BMPR1B: variants seen among roughly 807,000 people sequenced by gnomAD.
The protein encoded by BMPR1B is bone morphogenetic protein receptor type-1B.
In BMPR1B, 12 loss-of-function variants were observed where a neutral mutation model predicts 59.1. The observed-to-expected ratio is 0.20, with a 90% CI of 0.13 to 0.33. BMPR1B has a LOEUF of 0.33. Among genes scored for constraint, BMPR1B ranks in the 10% least tolerant of loss-of-function variants. The pLI, the probability that BMPR1B is intolerant of heterozygous loss-of-function variation, is 1.00. For synonymous variants in BMPR1B, 237 were observed against 207.3 expected (o/e 1.14, Z -1.23); for missense variants, 550 against 610.9 (o/e 0.90, Z 1.05).
intron 1 of BMPR1B, among the ~76,000 whole-genome samples, chr4:94,759,242 A>C (rs1721662618): frequency 6.6e-6 from 1 of 152,258 alleles, no homozygotes; most frequent in African/African-American, 2.4e-5. Context: ...GAGCGGCCAC[A>C]AAGGTGCCAG....
intron 1 of BMPR1B, among the ~76,000 whole-genome samples, chr4:94,846,116 A>G (rs10015222): frequency 0.61 from 93,296 of 152,040 alleles, 29,642 homozygotes; most frequent in African/African-American, 0.78. Context: ...AAACAGATAC[A>G]TGTTACCAGT....
intron 3 of BMPR1B, among the ~76,000 whole-genome samples, chr4:95,080,344 T>TA (rs887933630): frequency 1.3e-4 from 20 of 152,222 alleles, no homozygotes; most frequent in Admixed American, 9.8e-4. Context: ...TCAAGTGATT[T>TA]ACCTCCCTCA....
chr4:94,952,112 A>C (rs1250949242), intron 2 of BMPR1B, among the ~76,000 whole-genome samples: 1 of 152,014 alleles, frequency 6.6e-6, no homozygotes, highest in Non-Finnish European at 1.5e-5. Context: ...TCTCCCCTTT[A>C]TCATTTTTTA....
chr4:94,887,474 A>G (rs1033468042), intron 2 of BMPR1B, among the ~76,000 whole-genome samples: 3 of 151,106 alleles, frequency 2.0e-5, no homozygotes, highest in Non-Finnish European at 4.4e-5. Flanking sequence ...AAATATACTC[A>G]AACATTTAGG....
intron 1 of BMPR1B, among the ~76,000 whole-genome samples, chr4:94,866,147 G>A (rs952117734): frequency 3.3e-5 from 5 of 152,130 alleles, no homozygotes; most frequent in African/African-American, 9.7e-5. Context: ...TATCCCATAT[G>A]TTATCTTTCT....
chr4:94,900,896 A>G (rs1472858788), intron 2 of BMPR1B, among the ~76,000 whole-genome samples: 1 of 152,020 alleles, frequency 6.6e-6, no homozygotes, highest in Non-Finnish European at 1.5e-5. Context: ...ACCTGAAAAC[A>G]AAAAGCACCA....
chr4:95,091,408 T>A (rs1464001921), intron 3 of BMPR1B: 1 of 945,754 alleles, frequency 1.1e-6, no homozygotes, highest in African/African-American at 1.8e-5. Context: ...TGCCAGCTTA[T>A]AATCAAAGGG....
intron 1 of BMPR1B, among the ~76,000 whole-genome samples, chr4:94,762,641 C>T (rs1721823086): frequency 6.6e-6 from 1 of 152,166 alleles, no homozygotes. Flanking sequence ...TTCTGTTGAA[C>T]ACCCTGGAGG....
intron 1 of BMPR1B, among the ~76,000 whole-genome samples, chr4:94,835,711 G>A (rs544618442): frequency 9.3e-4 from 142 of 152,148 alleles, no homozygotes; most frequent in African/African-American, 3.1e-3. Context: ...ACACTAATTT[G>A]TATTCAAATG....
At chr4:94,986,038 T>C (rs555196416) in intron 2 of BMPR1B, among the ~76,000 whole-genome samples, 21 of 152,308 alleles carry the variant, frequency 1.4e-4, no homozygotes, top group African/African-American at 5.1e-4. Context: ...TAAGTATCAA[T>C]TATAAGGGGG....
chr4:95,051,744 G>C (rs1284620854), intron 3 of BMPR1B: 1 of 1,535,560 alleles, frequency 6.5e-7, no homozygotes. Context: ...ACATTTTCTT[G>C]CTCATTCTTC....
chr4:95,145,924 T>C (rs1438515928), intron 10 of BMPR1B, among the ~76,000 whole-genome samples: 1 of 152,206 alleles, frequency 6.6e-6, no homozygotes, highest in Admixed American at 6.5e-5. Context: ...AGTCCAGAGA[T>C]TTTTACATTT....
intron 3 of BMPR1B, among the ~76,000 whole-genome samples, chr4:95,079,745 TG>T (rs966590659): frequency 2.8e-5 from 4 of 141,554 alleles, no homozygotes; most frequent in African/African-American, 1.0e-4. Flanking sequence ...AGGTGTGAAA[TG>T]AAAAAAAAAA....
At chr4:95,051,210 CTAAG>C (rs1726475501) in intron 3 of BMPR1B, among the ~76,000 whole-genome samples, 1 of 152,176 alleles carries the variant, frequency 6.6e-6, no homozygotes, top group South Asian at 2.1e-4. Flanking sequence ...TGGCATTTCA[CTAAG>C]TAAAAACATT....
At chr4:94,927,820 GT>G (rs1728947184) in intron 2 of BMPR1B, among the ~76,000 whole-genome samples, 1 of 152,098 alleles carries the variant, frequency 6.6e-6, no homozygotes, top group South Asian at 2.1e-4. Context: ...CATTCAGAAA[GT>G]TGCACAGATA....
At chr4:95,035,000 G>A (rs1725135619) in intron 3 of BMPR1B, among the ~76,000 whole-genome samples, 2 of 152,128 alleles carry the variant, frequency 1.3e-5, no homozygotes, top group South Asian at 2.1e-4. Context: ...GTATCTCATT[G>A]TGGTTTTAAT....
At position 95,127,391 on chromosome 4, in the gene BMPR1B, G is replaced by A. The variant is rs181550763; in HGVS notation, c.585+2270G>A. 2.1e-3 allele frequency among the ~76,000 whole-genome samples: 313 copies of A among 151,926 alleles called. 1 individual carries two copies. Among genetic ancestry groups the A allele is most frequent in the African/African-American group, 7.1e-3 (294 of 41,450 alleles). On this transcript the variant is annotated intron_variant, in intron 8 of 12. Coordinates refer to ENST00000515059, the MANE Select transcript of BMPR1B (RefSeq NM_001203.3). ...ATAATAGCTTACTTTCTGTCTTTGG[G>A]ATAAGTTGTTCCTATTCTATCAAGT...
intron 2 of BMPR1B, among the ~76,000 whole-genome samples, chr4:94,974,569 C>A (rs1446079157): frequency 6.6e-6 from 1 of 152,098 alleles, no homozygotes; most frequent in Non-Finnish European, 1.5e-5. Context: ...GTATTTCTTA[C>A]CTTTTCCTTT....
intron 2 of BMPR1B, among the ~76,000 whole-genome samples, chr4:94,965,695 T>G (rs1038262526): frequency 1.3e-5 from 2 of 152,206 alleles, no homozygotes; most frequent in African/African-American, 4.8e-5. Flanking sequence ...GGCAGTACAC[T>G]GAAGAAGTGT....
Sources: allele counts gnomAD v4.1 joint callset (sites outside exome capture counted in the v4.1 genomes callset), GRCh38; gene constraint gnomAD v4.1.1; transcripts MANE v1.5; gene names NCBI Gene and HGNC (gene_info 2026-07-23, HGNC 2026-07-21).